ZNF469: variants seen among roughly 807,000 people sequenced by gnomAD.
The protein encoded by ZNF469 is zinc finger protein 469.
A neutral mutation model predicts 1.0 loss-of-function variants in ZNF469; 1 was observed. That is an observed-to-expected ratio of 1.00 (90% CI 0.35 to 4.73). The LOEUF is 4.73. Ranked by LOEUF, ZNF469 falls within the 30% of genes most tolerant of loss-of-function variation. ZNF469 has a pLI of 0.16. For synonymous variants in ZNF469, 2,703 were observed against 2,363.4 expected (o/e 1.14, Z -4.17); for missense variants, 6,100 against 5,356.3 (o/e 1.14, Z -4.33).
At chr16:88,353,183 G>A in the ZNF469 span, among the ~76,000 whole-genome samples, 2 of 152,060 alleles carry the variant, frequency 1.3e-5, no homozygotes, top group African/African-American at 2.4e-5. Context: ...CTCCGAGGCC[G>A]TAAGTCTCAC....
the ZNF469 span, among the ~76,000 whole-genome samples, chr16:88,157,146 G>A: frequency 2.0e-5 from 3 of 151,476 alleles, no homozygotes; most frequent in Admixed American, 2.0e-4. Context: ...GAGCACCAGG[G>A]CACACAGGCA....
chr16:88,117,494 C>T, the ZNF469 span, among the ~76,000 whole-genome samples: 987 of 152,154 alleles, frequency 6.5e-3, 8 homozygotes, highest in Middle Eastern at 0.027. Context: ...CAGCCACTGA[C>T]TGCCTAGAAG....
rs575328837 is a variant in ZNF469 at position 88,392,948 on chromosome 16, C to T, written c.-192+9694C>T. 4.6e-5 allele frequency among the ~76,000 whole-genome samples: 7 copies of T among 152,374 alleles called. 1 individual carries two copies. The highest frequency in any genetic ancestry group is 1.4e-4 in the African/African-American group (6 of 41,592). On this transcript the variant is annotated intron_variant, in intron 1 of 2. Coordinates refer to ENST00000565624, the MANE Select transcript of ZNF469 (RefSeq NM_001367624.2). ...TGAAGCACTGACACCTGCTGAGGGT[C>T]GTGACTGTCACCCAGCTCTTTGAGT... is the stretch of plus-strand genomic sequence containing the variant.
the ZNF469 span, among the ~76,000 whole-genome samples, chr16:88,299,756 G>A: frequency 6.6e-6 from 1 of 152,172 alleles, no homozygotes; most frequent in Admixed American, 6.5e-5. Flanking sequence ...GGGCCCCACT[G>A]GCTCTCATCC....
chr16:88,358,865 C>T, the ZNF469 span, among the ~76,000 whole-genome samples: 3 of 152,056 alleles, frequency 2.0e-5, no homozygotes, highest in East Asian at 1.9e-4. Context: ...ATTACAGGCG[C>T]GTGCCACCAT....
At chr16:88,291,749 G>C in the ZNF469 span, among the ~76,000 whole-genome samples, 1 of 152,190 alleles carries the variant, frequency 6.6e-6, no homozygotes, top group Admixed American at 6.5e-5. Flanking sequence ...AAAGGAAATG[G>C]AGCCGCCATA....
the ZNF469 span, among the ~76,000 whole-genome samples, chr16:88,204,639 G>A: frequency 1.3e-5 from 2 of 152,224 alleles, no homozygotes; most frequent in Non-Finnish European, 2.9e-5. Context: ...AATGCAGGAG[G>A]ACCCTGTTAA....
the ZNF469 span, among the ~76,000 whole-genome samples, chr16:88,201,885 TTC>T: frequency 2.6e-5 from 4 of 152,306 alleles, no homozygotes; most frequent in African/African-American, 9.6e-5. The surrounding 1 kb of genome is among the most constrained non-coding windows in gnomAD (Gnocchi z 5.0). Flanking sequence ...TCAACTGTGA[TTC>T]GATAACCCAC....
rs1383210697 is a variant in ZNF469 at position 88,438,018 on chromosome 16, T to G, written c.10548T>G (p.Ala3516=). Residue 3516 remains alanine, a synonymous_variant, in exon 3 of 3, where the codon GCT becomes GCG. Transcript: ENST00000565624. ...PALLHLCSEV[A]PSTTKGWPET... ...TGCTCCACCTGTGTTCGGAGGTGGC[T>G]CCCAGCACCACCAAGGGATGGCCCG... The G allele has an allele frequency of 6.5e-7, 1 of 1,549,794 alleles. No homozygotes were observed.
the ZNF469 span, among the ~76,000 whole-genome samples, chr16:88,260,485 G>C: frequency 1.3e-5 from 2 of 152,150 alleles, no homozygotes; most frequent in African/African-American, 2.4e-5. The surrounding 1 kb of genome is among the most constrained non-coding windows in gnomAD (Gnocchi z 4.1). Context: ...TGCTGGTCTG[G>C]GTGCACACAC....
the ZNF469 span, among the ~76,000 whole-genome samples, chr16:88,288,488 T>G: frequency 1.3e-5 from 2 of 152,346 alleles, no homozygotes; most frequent in South Asian, 4.1e-4. Flanking sequence ...AAGGCTACAC[T>G]CTATGATATT....
the ZNF469 span, among the ~76,000 whole-genome samples, chr16:88,367,122 A>T: frequency 2.6e-5 from 4 of 152,170 alleles, no homozygotes; most frequent in African/African-American, 9.7e-5. Context: ...CCTGTCACAG[A>T]CTCTGATTCC....
chr16:88,294,685 C>G, the ZNF469 span: 2 of 152,238 alleles, frequency 1.3e-5, no homozygotes, highest in African/African-American at 4.8e-5. Flanking sequence ...GACTGGGAAG[C>G]GGCTAAAAGC....
the ZNF469 span, among the ~76,000 whole-genome samples, chr16:88,320,878 G>C: frequency 1.6e-4 from 24 of 152,244 alleles, no homozygotes; most frequent in African/African-American, 5.1e-4. Context: ...AGTCCACAGA[G>C]GGTGTGAGCT....
chr16:88,104,073 C>T, the ZNF469 span, among the ~76,000 whole-genome samples: 9 of 151,860 alleles, frequency 5.9e-5, no homozygotes, highest in African/African-American at 9.7e-5. Context: ...TTACTCCTTG[C>T]CAAAGCCCAC....
the ZNF469 span, among the ~76,000 whole-genome samples, chr16:88,194,123 C>T: frequency 6.6e-6 from 1 of 152,204 alleles, no homozygotes; most frequent in African/African-American, 2.4e-5. Flanking sequence ...CCCCCCTCCG[C>T]CACACAAACC....
chr16:88,112,164 C>T, the ZNF469 span, among the ~76,000 whole-genome samples: 9 of 151,452 alleles, frequency 5.9e-5, no homozygotes, highest in African/African-American at 1.7e-4. Context: ...GCCGGCCAGG[C>T]GCGTTGGCTA....
rs1457200877 is a variant in ZNF469, at chr16:88,438,872, C to G, written c.11402C>G (p.Pro3801Arg). The change falls in exon 3 of 3, where the codon CCC (proline) becomes CGC (arginine). Residue 3801 changes from proline to arginine, a missense_variant. Coordinates refer to ENST00000565624, the MANE Select transcript of ZNF469 (RefSeq NM_001367624.2). ...KGPREAGEQG[P>R]HGSLGPKEKG... ...CCAAGGGAAGCTGGTGAGCAGGGGCCCCACGGGAGCCTAGGTCCCAAGGAG... is the reference window on the plus strand; with the variant it reads ...CCAAGGGAAGCTGGTGAGCAGGGGCGCCACGGGAGCCTAGGTCCCAAGGAG... 2 of 1,550,322 alleles carry G rather than the reference C, an allele frequency of 1.3e-6. No homozygotes were observed. The highest frequency in any genetic ancestry group is 2.0e-5 in the Admixed American group (1 of 50,978).
the ZNF469 span, among the ~76,000 whole-genome samples, chr16:88,294,997 C>T: frequency 6.6e-6 from 1 of 150,734 alleles, no homozygotes; most frequent in Non-Finnish European, 1.5e-5. Context: ...CTCTAGCCCC[C>T]AGGACGTGGC....
Sources: allele counts gnomAD v4.1 joint callset (sites outside exome capture counted in the v4.1 genomes callset), GRCh38; gene constraint gnomAD v4.1.1; non-coding constraint Gnocchi (gnomAD v3.1); transcripts MANE v1.5; gene names NCBI Gene and HGNC (gene_info 2026-07-23, HGNC 2026-07-21).